KCNH5: variants seen among roughly 807,000 people sequenced by gnomAD.
KCNH5 encodes the protein voltage-gated delayed rectifier potassium channel KCNH5.
Under a neutral mutation model 96.1 loss-of-function variants are expected in KCNH5, and 46 were observed. The observed-to-expected ratio is 0.48, with a 90% confidence interval of 0.38 to 0.61. KCNH5 has a LOEUF of 0.61. KCNH5 is among the 20% of genes least tolerant of loss of function. The pLI, the probability that KCNH5 is intolerant of heterozygous loss-of-function variation, is 0.00. For missense variants in KCNH5, 907 were observed against 1,225.8 expected (o/e 0.74, Z 3.88); for synonymous variants, 439 against 449.8 (o/e 0.98, Z 0.30).
chr14:62,977,434 G>A (rs1890523399), intron 6 of KCNH5, among the ~76,000 whole-genome samples: 1 of 152,022 alleles, frequency 6.6e-6, no homozygotes, highest in African/African-American at 2.4e-5. Flanking sequence ...GATATATTGT[G>A]AGAATGAGGT....
chr14:62,715,880 A>T (rs992591594), intron 10 of KCNH5, among the ~76,000 whole-genome samples: 8 of 152,126 alleles, frequency 5.3e-5, no homozygotes, highest in African/African-American at 1.7e-4. Context: ...TAGGGAAGGA[A>T]TATCTTTTGG....
In KCNH5 at chr14:62,783,235, A is replaced by G. The variant is rs551256165; in HGVS notation, c.1823-3311T>C. 1.8e-4 allele frequency among the ~76,000 whole-genome samples: 27 copies of G among 152,286 alleles called. No individual in the cohort carries two copies. The South Asian group carries it at 3.5e-3, about 20-fold the overall frequency. ...ACATGCACACAAAGCACAGAAGTAA[A>G]TGCATCAAAATGGTAGGTCCTCTCT... is the stretch of plus-strand genomic sequence containing the variant. On this transcript the variant is annotated intron_variant, in intron 9 of 10. Transcript: ENST00000322893.
chr14:62,758,875 G>C (rs1367533231), intron 10 of KCNH5, among the ~76,000 whole-genome samples: 1 of 152,222 alleles, frequency 6.6e-6, no homozygotes. Context: ...GACACTGCTT[G>C]AGGAGGGAGC....
chr14:63,033,939 G>C (rs559141419), intron 1 of KCNH5, among the ~76,000 whole-genome samples: 12 of 151,696 alleles, frequency 7.9e-5, no homozygotes, highest in Non-Finnish European at 1.3e-4. Context: ...TTTTTGCTTT[G>C]AGACAGAATC....
chr14:62,970,659 A>G (rs1207774622), intron 6 of KCNH5, among the ~76,000 whole-genome samples: 1 of 152,180 alleles, frequency 6.6e-6, no homozygotes, highest in African/African-American at 2.4e-5. Flanking sequence ...ACTGTGACCA[A>G]CTGGATTTGG....
At chr14:62,979,322 G>A (rs1890561839) in intron 6 of KCNH5, among the ~76,000 whole-genome samples, 1 of 151,796 alleles carries the variant, frequency 6.6e-6, no homozygotes, top group South Asian at 2.1e-4. Flanking sequence ...CTTGATGTAG[G>A]TGGACTCAAA....
intron 9 of KCNH5, among the ~76,000 whole-genome samples, chr14:62,793,636 C>T (rs12323756): frequency 0.061 from 9,262 of 151,480 alleles, 665 homozygotes; most frequent in African/African-American, 0.17. Context: ...TTACCTTATG[C>T]TATATTATTT....
intron 7 of KCNH5, among the ~76,000 whole-genome samples, chr14:62,853,941 A>G (rs1281389971): frequency 6.9e-6 from 1 of 145,544 alleles, no homozygotes; most frequent in Non-Finnish European, 1.5e-5. Flanking sequence ...CGGGAGGCGG[A>G]GGTTGCAGTG....
At chr14:62,968,292 GCA>G (rs1890340814) in intron 6 of KCNH5, among the ~76,000 whole-genome samples, 1 of 152,048 alleles carries the variant, frequency 6.6e-6, no homozygotes, top group Admixed American at 6.5e-5. Flanking sequence ...ATTTACACCT[GCA>G]AATAGTTTGT....
chr14:62,826,602 T>C (rs1887232807), intron 8 of KCNH5, among the ~76,000 whole-genome samples: 1 of 152,022 alleles, frequency 6.6e-6, no homozygotes, highest in South Asian at 2.1e-4. Context: ...TTTGTTCTGT[T>C]TTTTACTTTA....
intron 7 of KCNH5, among the ~76,000 whole-genome samples, chr14:62,914,011 C>T (rs1889223823): frequency 6.6e-6 from 1 of 152,092 alleles, no homozygotes; most frequent in Admixed American, 6.5e-5. Context: ...ACAAAAATCC[C>T]AGTAATGAAT....
chr14:62,972,954 C>A (rs1890436713), intron 6 of KCNH5, among the ~76,000 whole-genome samples: 1 of 152,098 alleles, frequency 6.6e-6, no homozygotes, highest in Non-Finnish European at 1.5e-5. Flanking sequence ...TACTTCTGTC[C>A]AAACCCATTA....
intron 6 of KCNH5, among the ~76,000 whole-genome samples, chr14:62,971,360 G>T (rs1431753441): frequency 6.6e-6 from 1 of 152,010 alleles, no homozygotes; most frequent in African/African-American, 2.4e-5. Context: ...TATCAAAGAA[G>T]AACTAAATAA....
chr14:62,918,552 A>T (rs968543108), intron 7 of KCNH5, among the ~76,000 whole-genome samples: 4 of 152,176 alleles, frequency 2.6e-5, no homozygotes, highest in Admixed American at 2.6e-4. Context: ...ACAGCATACT[A>T]ATAAAAACAA....
intron 10 of KCNH5, among the ~76,000 whole-genome samples, chr14:62,709,684 G>C (rs1442461752): frequency 6.6e-6 from 1 of 152,068 alleles, no homozygotes; most frequent in Non-Finnish European, 1.5e-5. Context: ...AATGTATTTT[G>C]AAGATAATAA....
intron 1 of KCNH5, among the ~76,000 whole-genome samples, chr14:63,031,919 A>AG (rs1029049574): frequency 6.6e-6 from 1 of 152,092 alleles, no homozygotes; most frequent in Non-Finnish European, 1.5e-5. Context: ...ACAGCTTTTT[A>AG]GGGGGTTAAG....
At chr14:62,904,499 T>C (rs945397088) in intron 7 of KCNH5, among the ~76,000 whole-genome samples, 1 of 152,154 alleles carries the variant, frequency 6.6e-6, no homozygotes, top group Non-Finnish European at 1.5e-5. Flanking sequence ...TCTTCCCCTA[T>C]GGTCCTCAAT....
chr14:62,980,863 A>G lies in KCNH5; in HGVS notation c.942+9T>C. ...CACAGTACTCAGAAAACCAAAACGAAAAACTTACCTCATCCACATTTTCAA... is the reference window on the plus strand; with the variant it reads ...CACAGTACTCAGAAAACCAAAACGAGAAACTTACCTCATCCACATTTTCAA... On this transcript the variant is annotated intron_variant, in intron 6 of 10. Transcript: ENST00000322893. 6.2e-7 allele frequency: 1 copy of G among 1,612,042 alleles called. No homozygotes were observed. Among genetic ancestry groups the G allele is most frequent in the Non-Finnish European group, 8.5e-7 (1 of 1,179,566 alleles).
At position 63,026,303 on chromosome 14, in the gene KCNH5, A is replaced by C. The variant is rs533296435; in HGVS notation, c.74-9349T>G. Among the ~76,000 whole-genome samples the C allele has an allele frequency of 2.8e-4, 42 of 152,176 alleles. 3 individuals carry two copies. In the South Asian group the frequency reaches 8.3e-3, roughly 30 times the overall value. The stretch of plus-strand genomic sequence containing the variant: ...AGGAAAGCTACAAGACATTGGTCTG[A>C]GCAAAGATTTTTTGGGTCTGACTTC... On this transcript the variant is annotated intron_variant, in intron 1 of 10. Coordinates refer to ENST00000322893, the MANE Select transcript of KCNH5 (RefSeq NM_139318.5).
Sources: allele counts gnomAD v4.1 joint callset (sites outside exome capture counted in the v4.1 genomes callset), GRCh38; gene constraint gnomAD v4.1.1; transcripts MANE v1.5; gene names NCBI Gene and HGNC (gene_info 2026-07-23, HGNC 2026-07-21).